The following EFNA5 variants were observed in gnomAD, a reference collection of about 807,000 sequenced individuals.
EFNA5 encodes ephrin-A5.
EFNA5 carries 5 observed loss-of-function variants against 22.9 expected under a neutral mutation model. The observed-to-expected ratio is 0.22, with a 90% CI of 0.11 to 0.46. The LOEUF is 0.46. Among genes scored for constraint, EFNA5 ranks in the 20% least tolerant of loss-of-function variants. EFNA5 has a pLI of 0.99. For synonymous variants in EFNA5, 113 were observed against 112.2 expected (o/e 1.01, Z -0.04); for missense variants, 237 against 293.3 (o/e 0.81, Z 1.40).
intron 1 of EFNA5, among the ~76,000 whole-genome samples, chr5:107,536,575 G>A (rs955802591): frequency 6.6e-6 from 1 of 152,160 alleles, no homozygotes; most frequent in East Asian, 1.9e-4. Context: ...ATTTCTAAAG[G>A]ATGGTCAACA....
chr5:107,515,664 C>G (rs1747460302), intron 1 of EFNA5, among the ~76,000 whole-genome samples: 1 of 152,254 alleles, frequency 6.6e-6, no homozygotes, highest in South Asian at 2.1e-4. Flanking sequence ...AGGAATGAGC[C>G]ACTGCACCCA....
chr5:107,591,802 C>G (rs1159293907), intron 1 of EFNA5, among the ~76,000 whole-genome samples: 1 of 120,148 alleles, frequency 8.3e-6, no homozygotes, highest in African/African-American at 3.4e-5. Context: ...GCCTGGGTGG[C>G]AAAGGGAGAC....
At position 107,659,558 on chromosome 5, in the gene EFNA5, C is replaced by G. The variant is rs187207859; in HGVS notation, c.125+10931G>C. Among the ~76,000 whole-genome samples the G allele has an allele frequency of 5.4e-4, 79 of 146,138 alleles. No individual in the cohort carries two copies. In the East Asian group the frequency reaches 0.015, roughly 27 times the overall value. ...CAAATCTTCCATAGGTCTACAGGCCCAGAGACAATAAAATGGCTAAAAGCC... is the reference window on the plus strand; with the variant it reads ...CAAATCTTCCATAGGTCTACAGGCCGAGAGACAATAAAATGGCTAAAAGCC... On this transcript the variant is annotated intron_variant, in intron 1 of 4. Coordinates refer to ENST00000333274, the MANE Select transcript of EFNA5 (RefSeq NM_001962.3).
At chr5:107,494,390 C>T (rs1342525453) in intron 1 of EFNA5, among the ~76,000 whole-genome samples, 1 of 152,220 alleles carries the variant, frequency 6.6e-6, no homozygotes, top group African/African-American at 2.4e-5. Context: ...GCACCCAGGC[C>T]AGCGGCTGCG....
chr5:107,432,236 G>A (rs154648), intron 1 of EFNA5, among the ~76,000 whole-genome samples: 55,063 of 151,990 alleles, frequency 0.36, 10,054 homozygotes, highest in East Asian at 0.53. Flanking sequence ...CATGTTGTTA[G>A]GCTCAGCAGC....
chr5:107,394,658 C>T (rs569162351), intron 2 of EFNA5, among the ~76,000 whole-genome samples: 1 of 152,306 alleles, frequency 6.6e-6, no homozygotes, highest in African/African-American at 2.4e-5. Flanking sequence ...CCTCCTATCT[C>T]TCTGCCCCCT....
At chr5:107,484,288 G>T (rs551155073) in intron 1 of EFNA5, among the ~76,000 whole-genome samples, 1 of 152,200 alleles carries the variant, frequency 6.6e-6, no homozygotes, top group African/African-American at 2.4e-5. Context: ...CCCACAGTGA[G>T]AGAGGGCGCC....
At chr5:107,441,260 C>T (rs185723602) in intron 1 of EFNA5, among the ~76,000 whole-genome samples, 6 of 152,160 alleles carry the variant, frequency 3.9e-5, no homozygotes, top group Admixed American at 2.0e-4. Context: ...GTTCTATAAA[C>T]GTGATTAGGG....
chr5:107,503,256 G>A (rs917744963), intron 1 of EFNA5, among the ~76,000 whole-genome samples: 3 of 152,056 alleles, frequency 2.0e-5, no homozygotes, highest in African/African-American at 7.2e-5. Context: ...ATCTGCCTTC[G>A]GTGCACAGTG....
chr5:107,513,212 G>GA (rs908629119), intron 1 of EFNA5, among the ~76,000 whole-genome samples: 1 of 152,178 alleles, frequency 6.6e-6, no homozygotes, highest in Non-Finnish European at 1.5e-5. Context: ...TTGGGGCTGG[G>GA]AAAAGAGGGG....
intron 1 of EFNA5, among the ~76,000 whole-genome samples, chr5:107,475,834 AG>A (rs1314596416): frequency 6.6e-6 from 1 of 151,590 alleles, no homozygotes; most frequent in Non-Finnish European, 1.5e-5. Context: ...CAAAATACCC[AG>A]GCTGAACTGT....
intron 1 of EFNA5, among the ~76,000 whole-genome samples, chr5:107,645,489 T>C (rs572006381): frequency 2.4e-4 from 36 of 152,348 alleles, no homozygotes; most frequent in African/African-American, 8.7e-4. Flanking sequence ...TATAAGAGTG[T>C]TTTTAGTGCC....
chr5:107,478,745 G>C (rs1378277217), intron 1 of EFNA5, among the ~76,000 whole-genome samples: 2 of 152,178 alleles, frequency 1.3e-5, no homozygotes, highest in African/African-American at 4.8e-5. Flanking sequence ...GGAACCAATA[G>C]AAATCCTGTA....
intron 1 of EFNA5, among the ~76,000 whole-genome samples, chr5:107,658,377 G>A (rs1185730841): frequency 6.6e-6 from 1 of 152,050 alleles, no homozygotes; most frequent in African/African-American, 2.4e-5. Flanking sequence ...TTATTCCAGT[G>A]GAATTTGTCT....
At chr5:107,537,708 G>C (rs978439511) in intron 1 of EFNA5, among the ~76,000 whole-genome samples, 8 of 152,172 alleles carry the variant, frequency 5.3e-5, no homozygotes, top group Non-Finnish European at 7.3e-5. Context: ...GGTTCAAAAA[G>C]GTAGAGTGCT....
intron 4 of EFNA5, among the ~76,000 whole-genome samples, chr5:107,384,770 T>A (rs1747567993): frequency 1.2e-4 from 1 of 8,036 alleles, no homozygotes; most frequent in Non-Finnish European, 3.4e-4. Flanking sequence ...CACACCACAT[T>A]TTTTTTTTTT....
At position 107,568,046 on chromosome 5, in the gene EFNA5, G is replaced by A. The variant is rs148345907; in HGVS notation, c.125+102443C>T. ...CAAGTAGCTGGGACTACAGGCACATGCCACCATGCCCAGCTCGTTTTAATT... is the reference window on the plus strand; with the variant it reads ...CAAGTAGCTGGGACTACAGGCACATACCACCATGCCCAGCTCGTTTTAATT... On this transcript the variant is annotated intron_variant, in intron 1 of 4. Transcript: ENST00000333274. Among the ~76,000 whole-genome samples, 795 of 152,216 alleles carry A rather than the reference G, an allele frequency of 5.2e-3. 2 individuals carry two copies. The highest frequency in any genetic ancestry group is 9.0e-3 in the Non-Finnish European group (609 of 67,996).
Position 107,380,883 on chromosome 5 carries a change from T to C in EFNA5, c.*372A>G, listed in dbSNP as rs1053554562. ...TGGCTGCATCTGCCACTATTCTTCCTTGTCCATAGCCCGCTGACACAGTGC... is the reference window on the plus strand; with the variant it reads ...TGGCTGCATCTGCCACTATTCTTCCCTGTCCATAGCCCGCTGACACAGTGC... On this transcript the variant is annotated 3_prime_UTR_variant, in exon 5 of 5. Coordinates refer to ENST00000333274, the MANE Select transcript of EFNA5 (RefSeq NM_001962.3). The C allele has an allele frequency of 1.7e-5, 7 of 412,458 alleles. No homozygotes were observed. Among genetic ancestry groups the C allele is most frequent in the Non-Finnish European group, 2.6e-5 (6 of 233,594 alleles). The allele number at this position is 412,458 out of a possible 1,614,324, so 25.5% of individuals were successfully genotyped here. A position where few individuals can be genotyped will look rare whatever the true frequency, so the allele number is the denominator to read the frequency against.
chr5:107,433,724 A>G (rs1358680247), intron 1 of EFNA5, among the ~76,000 whole-genome samples: 1 of 152,080 alleles, frequency 6.6e-6, no homozygotes, highest in Non-Finnish European at 1.5e-5. Context: ...GTGAGACTCC[A>G]TCTCTATAAA....
Sources: gnomAD v4.1 joint callset for allele counts (sites outside exome capture counted in the v4.1 genomes callset) on GRCh38, gnomAD v4.1.1 for gene constraint, MANE v1.5 for transcripts, NCBI Gene and HGNC (gene_info 2026-07-23, HGNC 2026-07-21) for gene names.